RAP1A: variants seen among roughly 807,000 people sequenced by gnomAD.
RAP1A encodes RAP1A, member of RAS oncogene family.
A neutral mutation model predicts 26.4 loss-of-function variants in RAP1A; 6 were observed. That is an observed-to-expected ratio of 0.23 (90% CI 0.12 to 0.45). The LOEUF (loss-of-function observed/expected upper bound fraction) is 0.45, where lower values mean the gene tolerates loss of function less well. Among genes scored for constraint, RAP1A ranks in the 20% least tolerant of loss-of-function variants. The pLI, the probability that RAP1A is intolerant of heterozygous loss-of-function variation, is 0.99. For missense variants in RAP1A, 121 were observed against 217.2 expected (o/e 0.56, Z 2.78); for synonymous variants, 73 against 79.4 (o/e 0.92, Z 0.43).
intron 1 of RAP1A, among the ~76,000 whole-genome samples, chr1:111,647,084 T>C (rs1660093840): frequency 6.6e-6 from 1 of 152,234 alleles, no homozygotes; most frequent in Non-Finnish European, 1.5e-5. Flanking sequence ...GTCCATGGCC[T>C]GTTAGGAACC....
intron 4 of RAP1A, among the ~76,000 whole-genome samples, chr1:111,699,475 T>G (rs1661947120): frequency 6.7e-6 from 1 of 148,470 alleles, no homozygotes; most frequent in South Asian, 2.2e-4. Flanking sequence ...TTTTTTTTTT[T>G]TTTTGAAACA....
intron 1 of RAP1A, among the ~76,000 whole-genome samples, chr1:111,627,095 T>C (rs1018992427): frequency 1.5e-4 from 22 of 151,168 alleles, no homozygotes; most frequent in African/African-American, 5.3e-4. Context: ...TGCTTAAACA[T>C]TTTTTTTTCT....
chr1:111,565,052 A>G (rs1255952278), intron 1 of RAP1A, among the ~76,000 whole-genome samples: 1 of 152,152 alleles, frequency 6.6e-6, no homozygotes, highest in Non-Finnish European at 1.5e-5. Flanking sequence ...ATTTAATAAG[A>G]CACCTAAATG....
In RAP1A at chr1:111,558,558, A is replaced by C. The variant is rs545716619; in HGVS notation, c.-28+16049A>C. Among the ~76,000 whole-genome samples the C allele has an allele frequency of 3.7e-4, 56 of 152,316 alleles. No individual in the cohort carries two copies. In the South Asian group the frequency reaches 0.011, roughly 30 times the overall value. ...TATAAGGTGAACACTCAGAACAAAG[A>C]GACAAAGAAAGGTTGAAACTTAAAG... On this transcript the variant is annotated intron_variant, in intron 1 of 7. Coordinates refer to the RAP1A transcript ENST00000356415.
intron 1 of RAP1A, among the ~76,000 whole-genome samples, chr1:111,654,940 G>A (rs2101143915): frequency 6.6e-6 from 1 of 151,876 alleles, no homozygotes. Context: ...AGGTTGAGGT[G>A]GGAGGGAATT....
At chr1:111,702,681 C>T (rs1429141325) in intron 4 of RAP1A, among the ~76,000 whole-genome samples, 1 of 151,794 alleles carries the variant, frequency 6.6e-6, no homozygotes, top group Non-Finnish European at 1.5e-5. Flanking sequence ...GATTCTTCTT[C>T]CACCAAGTAG....
At chr1:111,680,325 C>G (rs1333870051) in intron 1 of RAP1A, among the ~76,000 whole-genome samples, 2 of 152,188 alleles carry the variant, frequency 1.3e-5, no homozygotes, top group African/African-American at 4.8e-5. Flanking sequence ...GGGTGGCCAG[C>G]TTTTATTCCC....
At chr1:111,664,474 C>CT (rs1302977217) in intron 1 of RAP1A, among the ~76,000 whole-genome samples, 6 of 150,592 alleles carry the variant, frequency 4.0e-5, no homozygotes, top group East Asian at 2.0e-4. Context: ...GCCACCTAGA[C>CT]TTTTTTTTAA....
chr1:111,642,809 A>G (rs1659937048), intron 1 of RAP1A, among the ~76,000 whole-genome samples: 1 of 97,002 alleles, frequency 1.0e-5, no homozygotes, highest in African/African-American at 3.9e-5. Context: ...TTTTTGAGGC[A>G]AAGTCTCGCT....
intron 4 of RAP1A, among the ~76,000 whole-genome samples, chr1:111,700,286 T>G (rs1234266492): frequency 6.6e-6 from 1 of 152,230 alleles, no homozygotes; most frequent in African/African-American, 2.4e-5. Context: ...GAGGTTTAAT[T>G]GGCTCATGGT....
intron 1 of RAP1A, among the ~76,000 whole-genome samples, chr1:111,664,440 C>T (rs1660741941): frequency 6.6e-6 from 1 of 151,166 alleles, no homozygotes; most frequent in African/African-American, 2.4e-5. Context: ...TTTCCTCTCT[C>T]ACCCTTTCAC....
At chr1:111,634,625 G>T (rs182569683) in intron 1 of RAP1A, among the ~76,000 whole-genome samples, 91 of 150,710 alleles carry the variant, frequency 6.0e-4, no homozygotes, top group African/African-American at 1.5e-3. Flanking sequence ...ATGTATGTAT[G>T]TATTTATTTA....
At chr1:111,673,419 A>G (rs1377208001) in intron 1 of RAP1A, among the ~76,000 whole-genome samples, 1 of 152,248 alleles carries the variant, frequency 6.6e-6, no homozygotes, top group African/African-American at 2.4e-5. Context: ...TGTCTGTAAT[A>G]CATTCATTTA....
intron 1 of RAP1A, among the ~76,000 whole-genome samples, chr1:111,556,932 A>G (rs555154466): frequency 6.6e-5 from 10 of 152,046 alleles, no homozygotes. Context: ...TATATTACCA[A>G]GGTTTTTTCA....
Position 111,579,766 on chromosome 1 carries a change from T to C in RAP1A, c.-28+37257T>C, listed in dbSNP as rs555625772. 8.2e-4 allele frequency among the ~76,000 whole-genome samples: 124 copies of C among 152,090 alleles called. 1 individual carries two copies. The highest frequency in any genetic ancestry group is 2.9e-3 in the African/African-American group (121 of 41,456). The stretch of plus-strand genomic sequence containing the variant: ...AAATCATCTAACACAAAATCTATTT[T>C]AAAATAAAGTGTTGAATATCTCCAT... On this transcript the variant is annotated intron_variant, in intron 1 of 7. Transcript: ENST00000356415.
At chr1:111,646,185 C>T (rs955305145) in intron 1 of RAP1A, among the ~76,000 whole-genome samples, 12 of 152,100 alleles carry the variant, frequency 7.9e-5, no homozygotes, top group African/African-American at 1.9e-4. Context: ...CTCATCACTG[C>T]GAATTTGATA....
chr1:111,703,295 G>T, intron 4 of RAP1A, 41 bp from the exon 5 acceptor site: 1 of 1,338,506 alleles, frequency 7.5e-7, no homozygotes, highest in Non-Finnish European at 1.0e-6. Flanking sequence ...ATACATTCAA[G>T]AAATTTATAT....
chr1:111,682,105 G>A (rs2101212111), intron 1 of RAP1A, among the ~76,000 whole-genome samples: 1 of 152,224 alleles, frequency 6.6e-6, no homozygotes, highest in East Asian at 1.9e-4. Context: ...AGCTTCATAA[G>A]CGAGGGAGAA....
chr1:111,575,314 C>A (rs1658125456), intron 1 of RAP1A, among the ~76,000 whole-genome samples: 2 of 152,156 alleles, frequency 1.3e-5, no homozygotes, highest in South Asian at 4.1e-4. Flanking sequence ...TCACCACACT[C>A]AGCTAATTTT....
Sources: allele counts gnomAD v4.1 joint callset (sites outside exome capture counted in the v4.1 genomes callset), GRCh38; gene constraint gnomAD v4.1.1; transcripts MANE v1.5; gene names NCBI Gene and HGNC (gene_info 2026-07-23, HGNC 2026-07-21).